PGM2L1: variants seen among roughly 807,000 people sequenced by gnomAD.
The protein encoded by PGM2L1 is phosphoglucomutase 2 like 1.
A neutral mutation model predicts 73.4 loss-of-function variants in PGM2L1; 35 were observed. The ratio of observed to expected loss-of-function variants is 0.48; its 90% confidence interval spans 0.36 to 0.63. The LOEUF (loss-of-function observed/expected upper bound fraction) is 0.63, where lower values mean the gene tolerates loss of function less well. Ranked by LOEUF, PGM2L1 falls within the 30% of genes least tolerant of loss-of-function variation. The pLI, the probability that PGM2L1 is intolerant of heterozygous loss-of-function variation, is 0.00. For synonymous variants in PGM2L1, 225 were observed against 253.8 expected, an observed-to-expected ratio of 0.89 and a Z score of 1.08; for missense variants, 570 against 742.0, an observed-to-expected ratio of 0.77 and a Z score of 2.69.
intron 1 of PGM2L1, among the ~76,000 whole-genome samples, chr11:74,375,644 T>C (rs1230321479): frequency 6.6e-6 from 1 of 152,096 alleles, no homozygotes; most frequent in African/African-American, 2.4e-5. Flanking sequence ...TAAAAACATA[T>C]TAATATACAA....
In PGM2L1 at chr11:74,370,988, T is replaced by TA; in HGVS notation, c.387-3dup. On this transcript the variant is annotated splice_polypyrimidine_tract_variant and splice_region_variant and intron_variant, in intron 3 of 13. Transcript: ENST00000298198. The stretch of plus-strand genomic sequence containing the variant: ...ACTGCAGCAGTGAGTTTAGCAAGCC[T>TA]AAAAAAAGAGAGATTTAACTTAGTC... 1 of 1,611,164 alleles carries TA rather than the reference T, an allele frequency of 6.2e-7. No homozygotes were observed. The highest frequency in any genetic ancestry group is 8.5e-7 in the Non-Finnish European group (1 of 1,178,128).
Position 74,389,686 on chromosome 11 carries a change from G to C in PGM2L1, c.111+8365C>G, listed in dbSNP as rs542667873. Among the ~76,000 whole-genome samples, 42 of 151,410 alleles carry C rather than the reference G, an allele frequency of 2.8e-4. No homozygotes were observed. The East Asian group carries it at 8.0e-3, about 29-fold the overall frequency. Reference sequence around the variant, plus strand: ...GCTGGTCTCGAACTCCTGACCTCAGGTGATCCGCCTGCCTTGGCCTCCCAA... The same window carrying C: ...GCTGGTCTCGAACTCCTGACCTCAGCTGATCCGCCTGCCTTGGCCTCCCAA... On this transcript the variant is annotated intron_variant, in intron 1 of 13. Coordinates refer to ENST00000298198, the MANE Select transcript of PGM2L1 (RefSeq NM_173582.6).
At chr11:74,391,455 T>C (rs1036680557) in intron 1 of PGM2L1, among the ~76,000 whole-genome samples, 7 of 152,172 alleles carry the variant, frequency 4.6e-5, no homozygotes, top group Non-Finnish European at 1.0e-4. Context: ...TCATATTTCC[T>C]ATTTCCTTTT....
At chr11:74,356,298 T>G (rs1862454250) in intron 5 of PGM2L1, among the ~76,000 whole-genome samples, 1 of 152,214 alleles carries the variant, frequency 6.6e-6, no homozygotes, top group East Asian at 1.9e-4. Flanking sequence ...CATGGAATTA[T>G]TGGTTATAAA....
At chr11:74,369,905 C>A (rs1171788974) in intron 4 of PGM2L1, among the ~76,000 whole-genome samples, 2 of 151,984 alleles carry the variant, frequency 1.3e-5, no homozygotes, top group Non-Finnish European at 2.9e-5. Flanking sequence ...CACCACCACA[C>A]CTGGCTAATT....
intron 1 of PGM2L1, among the ~76,000 whole-genome samples, chr11:74,381,914 C>A (rs1310539279): frequency 6.6e-6 from 1 of 151,880 alleles, no homozygotes; most frequent in Non-Finnish European, 1.5e-5. Flanking sequence ...CCCCCACCCC[C>A]ACCAATGGTA....
chr11:74,389,470 G>A (rs1030895022), intron 1 of PGM2L1, among the ~76,000 whole-genome samples: 33 of 151,652 alleles, frequency 2.2e-4, no homozygotes, highest in Admixed American at 1.2e-3. Flanking sequence ...TTTTTTTTGA[G>A]ATGGAGTCTC....
At position 74,333,260 on chromosome 11, in the gene PGM2L1, T is replaced by C. The variant is rs1317042725; in HGVS notation, c.*3392A>G. 2 of 152,176 alleles carry C rather than the reference T, an allele frequency of 1.3e-5. No homozygotes were observed. The highest frequency in any genetic ancestry group is 2.9e-5 in the Non-Finnish European group (2 of 68,026). 9.4% of individuals were successfully genotyped at this position (152,176 alleles called of 1,614,324 possible). On this transcript the variant is annotated 3_prime_UTR_variant, in exon 14 of 14. Coordinates refer to ENST00000298198, the MANE Select transcript of PGM2L1 (RefSeq NM_173582.6). Reference sequence around the variant, plus strand: ...CAAGAAGTTCCTAAATCTTAAACTTTCCATGCTGTCTTTAAAAAAAAGATC... The same window carrying C: ...CAAGAAGTTCCTAAATCTTAAACTTCCCATGCTGTCTTTAAAAAAAAGATC...
chr11:74,343,315 C>T lies in PGM2L1; in HGVS notation c.1312+8G>A. ...CAAATTTTGAAGATTTTAATATTTACTACATACCAATAGACTCTTCAAATG... is the reference window on the plus strand; with the variant it reads ...CAAATTTTGAAGATTTTAATATTTATTACATACCAATAGACTCTTCAAATG... On this transcript the variant is annotated splice_region_variant and intron_variant, in intron 10 of 13. Coordinates refer to ENST00000298198, the MANE Select transcript of PGM2L1 (RefSeq NM_173582.6). 1 of 1,579,568 alleles carries T rather than the reference C, an allele frequency of 6.3e-7. No individual in the cohort carries two copies. Among genetic ancestry groups the T allele is most frequent in the East Asian group, 2.3e-5 (1 of 44,070 alleles).
At chr11:74,355,144 G>T in intron 5 of PGM2L1, 1 of 1,367,228 alleles carries the variant, frequency 7.3e-7, no homozygotes, top group Non-Finnish European at 1.0e-6. Context: ...GGCAGCCATG[G>T]TGGTGGTGGA....
chr11:74,373,369 C>A (rs1447841121), intron 2 of PGM2L1, among the ~76,000 whole-genome samples: 1 of 152,296 alleles, frequency 6.6e-6, no homozygotes. Flanking sequence ...TTCTCTCCTA[C>A]CCCTGCATTA....
chr11:74,348,976 GT>G (rs1230812490), intron 6 of PGM2L1, among the ~76,000 whole-genome samples: 1 of 152,130 alleles, frequency 6.6e-6, no homozygotes, highest in African/African-American at 2.4e-5. Context: ...AGATTCACCA[GT>G]GTCAGCCTAA....
In PGM2L1 at chr11:74,338,535, G is replaced by A; in HGVS notation, c.1699C>T (p.Leu567Phe). 1 of 1,606,742 alleles carries A rather than the reference G, an allele frequency of 6.2e-7. No homozygotes were observed. Among genetic ancestry groups the A allele is most frequent in the African/African-American group, 1.3e-5 (1 of 74,998 alleles). Residue 567 changes from leucine (L) to phenylalanine (F), a missense_variant, in exon 13 of 14, where the codon CTT becomes TTT. By Grantham distance (22) the Leu-to-Phe change is conservative. Coordinates refer to ENST00000298198, the MANE Select transcript of PGM2L1 (RefSeq NM_173582.6). ...FTFQNGCVAT[L>F]RTSGTEPKIK... is the part of the protein sequence containing the mutation. ...TTTGGTTCTGTTCCACTTGTCCGAA[G>A]GGTAGCAACACAGCCATTTTGAAAA...
chr11:74,396,454 G>A (rs113534647), intron 1 of PGM2L1, among the ~76,000 whole-genome samples: 4,808 of 150,066 alleles, frequency 0.032, 245 homozygotes, highest in African/African-American at 0.11. Context: ...TCGCTCTGTC[G>A]CCCAGGCTGG....
At chr11:74,388,202 A>G (rs1863043167) in intron 1 of PGM2L1, among the ~76,000 whole-genome samples, 1 of 152,228 alleles carries the variant, frequency 6.6e-6, no homozygotes, top group African/African-American at 2.4e-5. Flanking sequence ...GTTGCAGTTA[A>G]GCCAGATGAA....
At chr11:74,383,684 G>A (rs1185661382) in intron 1 of PGM2L1, among the ~76,000 whole-genome samples, 2 of 151,800 alleles carry the variant, frequency 1.3e-5, no homozygotes, top group African/African-American at 2.4e-5. Context: ...ACTTGTAAGT[G>A]AGAACATGCG....
chr11:74,387,695 C>CA (rs1484502275), intron 1 of PGM2L1, among the ~76,000 whole-genome samples: 1 of 152,162 alleles, frequency 6.6e-6, no homozygotes, highest in Admixed American at 6.5e-5. Flanking sequence ...CTACCTCTTA[C>CA]AAAAAATCTT....
chr11:74,354,285 T>C (rs190367244), intron 5 of PGM2L1, among the ~76,000 whole-genome samples: 5 of 152,258 alleles, frequency 3.3e-5, no homozygotes, highest in Admixed American at 2.6e-4. Flanking sequence ...CTATCTGATA[T>C]AGTAACATAA....
At position 74,350,187 on chromosome 11, in the gene PGM2L1, C is replaced by T. The variant is rs73552522; in HGVS notation, c.749+1196G>A. Reference sequence around the variant, plus strand: ...TAGTATTACTGTCACTTATTTTAGACGGAGAAGCAAACAGTTGACAGCTTG... The same window carrying T: ...TAGTATTACTGTCACTTATTTTAGATGGAGAAGCAAACAGTTGACAGCTTG... On this transcript the variant is annotated intron_variant, in intron 6 of 13. Transcript: ENST00000298198. Among the ~76,000 whole-genome samples, 753 of 152,104 alleles carry T rather than the reference C, an allele frequency of 5.0e-3. 11 individuals carry two copies. Among genetic ancestry groups the T allele is most frequent in the African/African-American group, 0.017 (708 of 41,500 alleles).
Sources: allele counts gnomAD v4.1 joint callset (sites outside exome capture counted in the v4.1 genomes callset), GRCh38; gene constraint gnomAD v4.1.1; transcripts MANE v1.5; gene names NCBI Gene and HGNC (gene_info 2026-07-23, HGNC 2026-07-21).